PLEKHG6: variants seen among roughly 807,000 people sequenced by gnomAD.
PLEKHG6 encodes pleckstrin homology and RhoGEF domain containing G6, also known as pleckstrin homology domain-containing family G member 6.
Under a neutral mutation model 97.5 loss-of-function variants are expected in PLEKHG6, and 91 were observed. That is an observed-to-expected ratio of 0.93 (90% confidence interval 0.79 to 1.11). The LOEUF (loss-of-function observed/expected upper bound fraction) is 1.11. PLEKHG6 is among the 50% of genes most tolerant of loss of function. PLEKHG6 has a pLI of 0.00. For synonymous variants in PLEKHG6, 466 were observed against 425.5 expected, an observed-to-expected ratio of 1.10 and a Z score of -1.17; for missense variants, 1,044 against 1,031.0, an observed-to-expected ratio of 1.01 and a Z score of -0.17.
At chr12:6,322,152 T>G (rs1947726816) in intron 13 of PLEKHG6, among the ~76,000 whole-genome samples, 1 of 152,120 alleles carries the variant, frequency 6.6e-6, no homozygotes, top group East Asian at 1.9e-4. Context: ...AAGCTTCAGT[T>G]TGGAACACTG....
At position 6,318,432 on chromosome 12, in the gene PLEKHG6, G is replaced by A. The variant is rs1272931575; in HGVS notation, c.1275+12G>A. 2 of 1,600,574 alleles carry A rather than the reference G, an allele frequency of 1.2e-6. No individual in the cohort carries two copies. Among genetic ancestry groups the A allele is most frequent in the Non-Finnish European group, 1.7e-6 (2 of 1,174,146 alleles). The stretch of plus-strand genomic sequence containing the variant: ...GACGAGAAGGGAAGGTGAGGGTGCT[G>A]CGGACAGAGTGGAGGGGATGGGGCA... On this transcript the variant is annotated intron_variant, in intron 11 of 15. Coordinates refer to ENST00000684764, the MANE Select transcript of PLEKHG6 (RefSeq NM_001384598.1).
intron 10 of PLEKHG6, 130 bp downstream of exon 10, chr12:6,318,124 G>A: frequency 7.3e-7 from 1 of 1,366,212 alleles, no homozygotes; most frequent in South Asian, 1.4e-5. Context: ...ACCTGGTGGT[G>A]ACAGTCCAAG....
chr12:6,312,928 T>C, intron 2 of PLEKHG6: 3 of 1,404,952 alleles, frequency 2.1e-6, no homozygotes, highest in Non-Finnish European at 2.8e-6. Context: ...TTGAGGACAG[T>C]TCTGCTTGTG....
Position 6,315,599 on chromosome 12 carries a change from C to T in PLEKHG6, c.505C>T (p.Leu169Phe). The change falls in exon 5 of 16, where the codon CTC becomes TTC. Residue 169 changes from leucine to phenylalanine, a missense_variant. Coordinates refer to ENST00000684764, the MANE Select transcript of PLEKHG6 (RefSeq NM_001384598.1). This position sits in a 1 kb window ranked among gnomAD's most constrained non-coding sequence, Gnocchi z 4.5. ...LCHQQEALWE[L>F]LTTELIYVRK... ...CCACCAACAGGAGGCCCTGTGGGAG[C>T]TCCTGACCACCGAGCTGATCTACGT... 2.5e-6 allele frequency: 4 copies of T among 1,589,248 alleles called. No homozygotes were observed. Among genetic ancestry groups the T allele is most frequent in the Non-Finnish European group, 3.4e-6 (4 of 1,159,778 alleles).
At chr12:6,326,391 A>C (rs1224445985) in intron 13 of PLEKHG6, 37 bp from the exon 14 acceptor site, 1 of 1,566,552 alleles carries the variant, frequency 6.4e-7, no homozygotes, top group East Asian at 2.2e-5. Context: ...GTGCTCAATA[A>C]ATGAGAGCTC....
chr12:6,320,131 G>A (rs2136763141), intron 13 of PLEKHG6, among the ~76,000 whole-genome samples: 1 of 152,246 alleles, frequency 6.6e-6, no homozygotes, highest in East Asian at 1.9e-4. Flanking sequence ...GACGCAGCAG[G>A]GAGAGGCTAG....
chr12:6,319,578 G>A (rs1947631894), intron 13 of PLEKHG6: 2 of 1,535,886 alleles, frequency 1.3e-6, no homozygotes, highest in East Asian at 2.4e-5. Context: ...CAGAGAGGGA[G>A]GCAGAGCCTC....
chr12:6,321,220 C>T lies in PLEKHG6; in HGVS notation c.1524+2112C>T, dbSNP rs535934078. Reference sequence around the variant, plus strand: ...ATCTTTTTGTGGAGACAGGGTCTTTCCATGTTGTCCAGGCTGGTCTTGAAC... The same window carrying T: ...ATCTTTTTGTGGAGACAGGGTCTTTTCATGTTGTCCAGGCTGGTCTTGAAC... On this transcript the variant is annotated intron_variant, in intron 13 of 15. Coordinates refer to ENST00000684764, the MANE Select transcript of PLEKHG6 (RefSeq NM_001384598.1). Among the ~76,000 whole-genome samples the T allele has an allele frequency of 5.3e-5, 8 of 152,104 alleles. No individual in the cohort carries two copies. In the South Asian group the frequency reaches 1.5e-3, roughly 28 times the overall value.
chr12:6,325,636 C>T (rs907755936), intron 13 of PLEKHG6, among the ~76,000 whole-genome samples: 3 of 152,186 alleles, frequency 2.0e-5, no homozygotes, highest in Non-Finnish European at 4.4e-5. Flanking sequence ...CTGCTCCTCC[C>T]AGCTTCAGGG....
At position 6,315,037 on chromosome 12, in the gene PLEKHG6, G is replaced by T; in HGVS notation, c.327G>T (p.Arg109Ser). The change falls in exon 4 of 16, where the codon AGG becomes AGT. Residue 109 changes from arginine (R) to serine (S), a missense_variant. Transcript: ENST00000684764. The surrounding 1 kb of genome is among the most constrained non-coding windows in gnomAD (Gnocchi z 4.5). ...ELTKAHELEV[R>S]LHTFSMFGMP... ...CCAAGGCCCATGAGCTGGAGGTGAG[G>T]CTGCACACTTTCAGCATGTTTGGGA... The T allele has an allele frequency of 6.2e-7, 1 of 1,613,976 alleles. No homozygotes were observed. Among genetic ancestry groups the T allele is most frequent in the Non-Finnish European group, 8.5e-7 (1 of 1,180,038 alleles).
rs571719228 is a variant in PLEKHG6 at position 6,316,484 on chromosome 12, G to A, written c.756+80G>A. Reference sequence around the variant, plus strand: ...GTCCTGTGTGTAGGGCATGCCCACAGTATGCAAATCTCTGTGATTTGAGGG... The same window carrying A: ...GTCCTGTGTGTAGGGCATGCCCACAATATGCAAATCTCTGTGATTTGAGGG... On this transcript the variant is annotated intron_variant, in intron 7 of 15. Coordinates refer to ENST00000684764, the MANE Select transcript of PLEKHG6 (RefSeq NM_001384598.1). This position sits in a 1 kb window ranked among gnomAD's most constrained non-coding sequence, Gnocchi z 4.1. 203 of 1,329,028 alleles carry A rather than the reference G, an allele frequency of 1.5e-4. 1 individual carries two copies. The highest frequency in any genetic ancestry group is 1.8e-4 in the Non-Finnish European group (181 of 983,310). 82.3% of individuals were successfully genotyped at this position (1,329,028 alleles called of 1,614,324 possible). A position where few individuals can be genotyped will look rare whatever the true frequency, so the allele number is the denominator to read the frequency against.
At chr12:6,312,916 C>A in intron 2 of PLEKHG6, 1 of 1,390,382 alleles carries the variant, frequency 7.2e-7, no homozygotes, top group Non-Finnish European at 9.4e-7. Context: ...TTCCCCTCCA[C>A]CTTGAGGACA....
At chr12:6,326,295 A>T in intron 13 of PLEKHG6, 133 bp from the exon 14 acceptor site, 16 of 491,318 alleles carry the variant, frequency 3.3e-5, no homozygotes, top group Non-Finnish European at 4.7e-5. Context: ...ACAGAGCAAG[A>T]CTCAGTCTCA....
Position 6,316,064 on chromosome 12 carries a change from G to A in PLEKHG6, c.606+145G>A. On this transcript the variant is annotated intron_variant, in intron 6 of 15. Coordinates refer to ENST00000684764, the MANE Select transcript of PLEKHG6 (RefSeq NM_001384598.1). This position sits in a 1 kb window ranked among gnomAD's most constrained non-coding sequence, Gnocchi z 4.1. ...CCCTCCCTACTTCCCTGTTACTGGGGACTCCAAGCAGGCCACAGGCCCCCC... is the reference window on the plus strand; with the variant it reads ...CCCTCCCTACTTCCCTGTTACTGGGAACTCCAAGCAGGCCACAGGCCCCCC... The A allele has an allele frequency of 3.3e-6, 3 of 920,756 alleles. No individual in the cohort carries two copies. The highest frequency in any genetic ancestry group is 4.9e-6 in the Non-Finnish European group (3 of 617,198). The allele number at this position is 920,756 out of a possible 1,614,324, so 57.0% of individuals were successfully genotyped here.
rs1947436379 is a variant in PLEKHG6, at chr12:6,315,805, G to T, written c.556-64G>T. On this transcript the variant is annotated intron_variant, in intron 5 of 15. Transcript: ENST00000684764. This position sits in a 1 kb window ranked among gnomAD's most constrained non-coding sequence, Gnocchi z 4.5. Reference sequence around the variant, plus strand: ...GTCAGCAGTACTGAAGTTGGTGGGGGGTGGGAGGTGACGACACTGAAGGGC... The same window carrying T: ...GTCAGCAGTACTGAAGTTGGTGGGGTGTGGGAGGTGACGACACTGAAGGGC... 2.8e-6 allele frequency: 4 copies of T among 1,404,696 alleles called. No individual in the cohort carries two copies. Among genetic ancestry groups the T allele is most frequent in the African/African-American group, 2.8e-5 (2 of 70,302 alleles). The allele number at this position is 1,404,696 out of a possible 1,614,324, so 87.0% of individuals were successfully genotyped here. A position where few individuals can be genotyped will look rare whatever the true frequency, so the allele number is the denominator to read the frequency against.
intron 13 of PLEKHG6, among the ~76,000 whole-genome samples, chr12:6,325,322 G>A (rs1947827268): frequency 6.6e-6 from 1 of 152,192 alleles, no homozygotes; most frequent in South Asian, 2.1e-4. Context: ...GTGGCACCTT[G>A]AGCAAGTCAC....
In PLEKHG6 at chr12:6,317,599, T is replaced by C; in HGVS notation, c.920T>C (p.Ile307Thr). The C allele has an allele frequency of 6.2e-7, 1 of 1,613,920 alleles. No homozygotes were observed. The highest frequency in any genetic ancestry group is 8.5e-7 in the Non-Finnish European group (1 of 1,180,018). Reference sequence around the variant, plus strand: ...AGGCAGATGCTCTGTGACTTGCTTATCAAGCCCCACCAGCGCATCACCAAG... The same window carrying C: ...AGGCAGATGCTCTGTGACTTGCTTACCAAGCCCCACCAGCGCATCACCAAG... ...SGRQMLCDLL[I>T]KPHQRITKYP... The change falls in exon 9 of 16, where the codon ATC becomes ACC. Residue 307 changes from isoleucine to threonine, a missense_variant. Ile to Thr is a moderately conservative substitution (Grantham distance 89). Transcript: ENST00000684764.
chr12:6,312,397 G>A, intron 2 of PLEKHG6, 33 bp downstream of exon 2: 1 of 1,555,416 alleles, frequency 6.4e-7, no homozygotes, highest in East Asian at 2.5e-5. Flanking sequence ...AAGTGACCTG[G>A]TGGGGCAGGA....
rs775280410 is a variant in PLEKHG6 at position 6,315,507 on chromosome 12, A to G, written c.460-47A>G. The G allele has an allele frequency of 6.5e-6, 8 of 1,231,338 alleles. No individual in the cohort carries two copies. In the African/African-American group the frequency reaches 1.1e-4, roughly 16 times the overall value. 76.3% of individuals were successfully genotyped at this position (1,231,338 alleles called of 1,614,324 possible). ...TCGCACTTAACAGCTGGTACTTGCC[A>G]TTCTAATTATCATTCCCCAACTGAA... On this transcript the variant is annotated intron_variant, in intron 4 of 15. Coordinates refer to ENST00000684764, the MANE Select transcript of PLEKHG6 (RefSeq NM_001384598.1). This position sits in a 1 kb window ranked among gnomAD's most constrained non-coding sequence, Gnocchi z 4.5.
Sources: allele counts gnomAD v4.1 joint callset (sites outside exome capture counted in the v4.1 genomes callset), GRCh38; gene constraint gnomAD v4.1.1; non-coding constraint Gnocchi (gnomAD v3.1); transcripts MANE v1.5; gene names NCBI Gene and HGNC (gene_info 2026-07-23, HGNC 2026-07-21).